Variants in ARHGEF12 observed in about 807,000 individuals in gnomAD.
ARHGEF12 encodes Rho guanine nucleotide exchange factor 12, also known as KMT2A/ARHGEF12 fusion protein.
ARHGEF12 carries 66 observed loss-of-function variants against 211.2 expected under a neutral mutation model. The observed-to-expected ratio is 0.31, with a 90% CI of 0.26 to 0.38. ARHGEF12 has a LOEUF of 0.38. ARHGEF12 is among the 10% of genes least tolerant of loss of function. The probability of loss-of-function intolerance (pLI) is 1.00; values close to 1 mark genes in which losing one functional copy is unlikely to be tolerated. For missense variants in ARHGEF12, 1,429 were observed against 1,869.5 expected, an observed-to-expected ratio of 0.76 and a Z score of 4.34; for synonymous variants, 592 against 638.4, an observed-to-expected ratio of 0.93 and a Z score of 1.09.
intron 4 of ARHGEF12, chr11:120,409,855 A>C (rs1332084989): frequency 6.1e-6 from 1 of 163,200 alleles, no homozygotes; most frequent in African/African-American, 2.4e-5. Context: ...CTTTTCCTCT[A>C]AGTATAATAC....
chr11:120,415,075 T>A lies in ARHGEF12; in HGVS notation c.199+5625T>A, dbSNP rs554463714. ...TGTATGGAAGTTATGATTAATAATC[T>A]TTATACCAGATGATAAAGGATTTAG... On this transcript the variant is annotated intron_variant, in intron 4 of 40. Transcript: ENST00000397843. 3.9e-5 allele frequency among the ~76,000 whole-genome samples: 6 copies of A among 152,338 alleles called. No homozygotes were observed. In the South Asian group the frequency reaches 1.2e-3, roughly 32 times the overall value.
At chr11:120,469,476 CTA>C in intron 30 of ARHGEF12, 88 bp downstream of exon 30, 1 of 1,046,884 alleles carries the variant, frequency 9.6e-7, no homozygotes, top group Non-Finnish European at 1.4e-6. Flanking sequence ...GTTGTTAAAA[CTA>C]TCATTACCTA....
intron 14 of ARHGEF12, 35 bp downstream of exon 14, chr11:120,441,852 C>A (rs1945876938): frequency 1.3e-6 from 2 of 1,577,868 alleles, no homozygotes; most frequent in South Asian, 1.1e-5. Context: ...ATTCAGAGTT[C>A]TTCTGTTGAT....
intron 22 of ARHGEF12, among the ~76,000 whole-genome samples, chr11:120,456,703 T>C (rs1449861619): frequency 6.6e-6 from 1 of 152,188 alleles, no homozygotes; most frequent in Non-Finnish European, 1.5e-5. Flanking sequence ...TTTTAAAAAT[T>C]ATTTTTCTGA....
intron 1 of ARHGEF12, among the ~76,000 whole-genome samples, chr11:120,342,681 A>G (rs1942571636): frequency 6.6e-6 from 1 of 152,190 alleles, no homozygotes; most frequent in Non-Finnish European, 1.5e-5. Flanking sequence ...TGGATATGAG[A>G]TATGTCACAG....
intron 4 of ARHGEF12, among the ~76,000 whole-genome samples, chr11:120,420,459 C>T (rs1249875942): frequency 2.6e-5 from 4 of 152,202 alleles, no homozygotes; most frequent in African/African-American, 7.2e-5. Flanking sequence ...AATGGGCTTT[C>T]CTTCTAGCTG....
intron 1 of ARHGEF12, among the ~76,000 whole-genome samples, chr11:120,351,430 TA>T (rs1942947715): frequency 7.6e-4 from 3 of 3,956 alleles, no homozygotes; most frequent in South Asian, 0.019. Context: ...TATATATATA[TA>T]TATATATATA....
At position 120,473,051 on chromosome 11, in the gene ARHGEF12, G is replaced by T. The variant is rs767481639; in HGVS notation, c.2957G>T (p.Arg986Leu). 1.2e-6 allele frequency: 2 copies of T among 1,613,308 alleles called. No homozygotes were observed. Among genetic ancestry groups the T allele is most frequent in the African/African-American group, 1.3e-5 (1 of 74,892 alleles). ...GGTTCCACCCTGCCTAATTTTCAGCGCCTAGAAGATTATCAGCGTCGCCTT... is the reference window on the plus strand; with the variant it reads ...GGTTCCACCCTGCCTAATTTTCAGCTCCTAGAAGATTATCAGCGTCGCCTT... ...QAVKEAENKQ[R>L]LEDYQRRLDT... Residue 986 changes from arginine to leucine, a missense_variant and splice_region_variant, in exon 31 of 41, where the codon CGC becomes CTC. Physicochemically the swap from Arg to Leu is moderately radical, Grantham distance 102. Around this residue, in one of 7 missense-constraint regions of ARHGEF12, gnomAD observed 223 missense variants for 444.6 expected, o/e 0.50. Transcript: ENST00000397843.
rs996751448 is a variant in ARHGEF12, at chr11:120,372,683, T to G, written c.33-33435T>G. Among the ~76,000 whole-genome samples the G allele has an allele frequency of 1.8e-4, 28 of 152,256 alleles. 1 individual carries two copies. Among genetic ancestry groups the G allele is most frequent in the South Asian group, 1.2e-3 (6 of 4,826 alleles). On this transcript the variant is annotated intron_variant, in intron 1 of 40. Transcript: ENST00000397843. ...TTTTTCCCTATAATTTTTCAACTTT[T>G]TGTAAAAAGCAGACAGGATTTATGA...
At chr11:120,452,471 A>C (rs1389332694) in intron 22 of ARHGEF12, among the ~76,000 whole-genome samples, 1 of 152,144 alleles carries the variant, frequency 6.6e-6, no homozygotes, top group African/African-American at 2.4e-5. Flanking sequence ...GTGGTCCCTG[A>C]GGTGCCATAG....
At chr11:120,390,829 A>G (rs941701551) in intron 1 of ARHGEF12, among the ~76,000 whole-genome samples, 3 of 152,210 alleles carry the variant, frequency 2.0e-5, no homozygotes, top group African/African-American at 7.2e-5. Flanking sequence ...TCTACTAGTT[A>G]TATAACTTGT....
At chr11:120,399,182 T>TG (rs982595138) in intron 1 of ARHGEF12, among the ~76,000 whole-genome samples, 6 of 150,418 alleles carry the variant, frequency 4.0e-5, no homozygotes, top group South Asian at 2.1e-4. Context: ...TAGCTGGGTG[T>TG]GGTGGCATGC....
At chr11:120,437,176 T>C in intron 11 of ARHGEF12, 132 bp from the exon 12 acceptor site, 1 of 557,604 alleles carries the variant, frequency 1.8e-6, no homozygotes. Context: ...GAACCAAGCA[T>C]TTTACGAAAG....
At chr11:120,398,414 AT>A (rs1385733815) in intron 1 of ARHGEF12, among the ~76,000 whole-genome samples, 2 of 152,184 alleles carry the variant, frequency 1.3e-5, no homozygotes, top group Non-Finnish European at 2.9e-5. Flanking sequence ...CCCACTTGTG[AT>A]TTCTTTGTTT....
intron 2 of ARHGEF12, 102 bp downstream of exon 2, chr11:120,406,243 G>A (rs904206354): frequency 4.3e-6 from 3 of 702,806 alleles, no homozygotes; most frequent in South Asian, 7.2e-5. Flanking sequence ...TTGAGAATGT[G>A]TATTCAAGTA....
At chr11:120,459,423 T>A in intron 26 of ARHGEF12, 103 bp downstream of exon 26, 1 of 1,228,648 alleles carries the variant, frequency 8.1e-7, no homozygotes. Flanking sequence ...TTCCTGAGAT[T>A]ATGTGTGAGA....
At chr11:120,462,931 T>C (rs913477022) in intron 27 of ARHGEF12, 4 of 152,240 alleles carry the variant, frequency 2.6e-5, no homozygotes, top group Non-Finnish European at 5.9e-5. Context: ...AGCTTGGCAA[T>C]ATGTGGTATG....
At chr11:120,390,203 G>A (rs1944169025) in intron 1 of ARHGEF12, among the ~76,000 whole-genome samples, 2 of 152,096 alleles carry the variant, frequency 1.3e-5, no homozygotes, top group Non-Finnish European at 2.9e-5. Flanking sequence ...AGGGAAATCC[G>A]TTTCCTGGTC....
chr11:120,456,989 A>G (rs1946382431), intron 22 of ARHGEF12, 129 bp from the exon 23 acceptor site: 1 of 745,982 alleles, frequency 1.3e-6, no homozygotes, highest in Admixed American at 2.9e-5. Flanking sequence ...GTTCTAGTGA[A>G]CCTGCAGTTG....
Sources: allele counts gnomAD v4.1 joint callset (sites outside exome capture counted in the v4.1 genomes callset), GRCh38; gene constraint gnomAD v4.1.1; regional missense constraint gnomAD v4.1.1; transcripts MANE v1.5; gene names NCBI Gene and HGNC (gene_info 2026-07-23, HGNC 2026-07-21).